The following NBEA variants were observed in gnomAD, a reference collection of about 807,000 sequenced individuals.
The protein encoded by NBEA is lysosomal-trafficking regulator 2.
Under a neutral mutation model 343.4 loss-of-function variants are expected in NBEA, and 44 were observed. The observed-to-expected ratio is 0.13, with a 90% CI of 0.10 to 0.16. NBEA has a LOEUF of 0.16. Ranked by LOEUF, NBEA falls within the 10% of genes least tolerant of loss-of-function variation. NBEA has a pLI of 1.00. For synonymous variants in NBEA, 1,175 were observed against 1,238.7 expected (o/e 0.95, Z 1.08); for missense variants, 2,555 against 3,631.3 (o/e 0.70, Z 7.62).
intron 41 of NBEA, among the ~76,000 whole-genome samples, chr13:35,546,599 C>T (rs964561910): frequency 6.6e-6 from 1 of 150,806 alleles, no homozygotes; most frequent in South Asian, 2.1e-4. Flanking sequence ...GTCACCCAGG[C>T]TGGAGTGCAG....
chr13:35,309,444 A>G, intron 35 of NBEA, 84 bp from the exon 36 acceptor site: 2 of 694,376 alleles, frequency 2.9e-6, no homozygotes, highest in Non-Finnish European at 2.5e-6. Context: ...GAAGTTATTA[A>G]CAATATCAAC....
intron 8 of NBEA, among the ~76,000 whole-genome samples, chr13:35,060,039 G>A (rs1227641832): frequency 3.3e-5 from 5 of 151,576 alleles, no homozygotes; most frequent in African/African-American, 1.2e-4. Context: ...TCTTGCATAG[G>A]AATATTTTTG....
rs754363500 is a variant in NBEA at position 35,513,302 on chromosome 13, A to ATT, written c.6586-37148_6586-37147dup. Among the ~76,000 whole-genome samples, 82 of 72,286 alleles carry ATT rather than the reference A, an allele frequency of 1.1e-3. 6 individuals carry two copies. Among genetic ancestry groups the ATT allele is most frequent in the African/African-American group, 2.3e-3 (37 of 16,428 alleles). The allele number at this position is 72,286 out of a possible 152,430, so 47.4% of individuals were successfully genotyped here. A position where few individuals can be genotyped will look rare whatever the true frequency, so the allele number is the denominator to read the frequency against. ...CAGGCGCCTGCCACCACACCTGGCA[A>ATT]TTTTTTTTTTTTTTTTTTTTTTTTT... On this transcript the variant is annotated intron_variant, in intron 41 of 58. Transcript: ENST00000379939.
rs1278594827 is a variant in NBEA at position 35,182,501 on chromosome 13, C to A, written c.4804C>A (p.Gln1602Lys). 5 of 1,609,440 alleles carry A rather than the reference C, an allele frequency of 3.1e-6. No individual in the cohort carries two copies. Among genetic ancestry groups the A allele is most frequent in the Non-Finnish European group, 4.2e-6 (5 of 1,177,134 alleles). Residue 1602 changes from glutamine (Q) to lysine (K), a missense_variant, in exon 29 of 59, where the codon CAA (glutamine) becomes AAA (lysine). By Grantham distance (53) the Gln-to-Lys change is moderately conservative. This residue lies in a region of NBEA where 270 missense variants were observed against 293.3 expected (regional missense o/e 0.92). Transcript: ENST00000379939. ...TGSQPGRNIRQEINSPTSTVV... is the reference protein window; with the variant it reads ...TGSQPGRNIRKEINSPTSTVV... ...AAGCCAACCAGGTAGAAACATCAGG[C>A]AAGAAATAAATTCACCAACAAGTAC...
intron 24 of NBEA, among the ~76,000 whole-genome samples, chr13:35,166,922 G>A (rs1339895569): frequency 6.6e-6 from 1 of 151,954 alleles, no homozygotes; most frequent in Non-Finnish European, 1.5e-5. Context: ...CATTGGCAAC[G>A]TGAAGATTAC....
At chr13:35,484,798 T>C (rs2076253781) in intron 41 of NBEA, among the ~76,000 whole-genome samples, 1 of 152,102 alleles carries the variant, frequency 6.6e-6, no homozygotes, top group African/African-American at 2.4e-5. Flanking sequence ...CAAAAATTAG[T>C]TTTATTTGTG....
Position 35,276,972 on chromosome 13 carries a change from T to G in NBEA, c.5777-13417T>G, listed in dbSNP as rs1461691768. On this transcript the variant is annotated intron_variant, in intron 34 of 58. Transcript: ENST00000379939. ...AAGAAAACTTTAGAGAACGGTTTACTTTTTCCTTCTGTTTTAACAGAGTAA... is the reference window on the plus strand; with the variant it reads ...AAGAAAACTTTAGAGAACGGTTTACGTTTTCCTTCTGTTTTAACAGAGTAA... Among the ~76,000 whole-genome samples, 6 of 152,222 alleles carry G rather than the reference T, an allele frequency of 3.9e-5. No individual in the cohort carries two copies. The East Asian group carries it at 1.2e-3, about 29-fold the overall frequency.
chr13:34,980,402 A>G (rs2060317490), intron 1 of NBEA, among the ~76,000 whole-genome samples: 1 of 151,680 alleles, frequency 6.6e-6, no homozygotes, highest in Admixed American at 6.6e-5. Context: ...TCTGGTTTCT[A>G]GTTTAGAAGT....
intron 39 of NBEA, among the ~76,000 whole-genome samples, chr13:35,445,781 T>TC (rs1491450364): frequency 1.2e-5 from 1 of 80,708 alleles, no homozygotes; most frequent in South Asian, 4.8e-4. Context: ...GATATAAATG[T>TC]TTATATATAT....
At chr13:35,487,319 A>G (rs1304738104) in intron 41 of NBEA, among the ~76,000 whole-genome samples, 2 of 152,020 alleles carry the variant, frequency 1.3e-5, no homozygotes, top group African/African-American at 2.4e-5. Context: ...ATTAGTACTT[A>G]TAGTTACTAA....
chr13:35,402,930 A>G lies in NBEA; in HGVS notation c.6180-29339A>G, dbSNP rs576261580. ...AATAATTCCCTCCTACAAAAGAACA[A>G]TAAGCTTCTTAAAAAGTGATGCTTT... On this transcript the variant is annotated intron_variant, in intron 38 of 58. Transcript: ENST00000379939. Among the ~76,000 whole-genome samples, 5 of 152,184 alleles carry G rather than the reference A, an allele frequency of 3.3e-5. No individual in the cohort carries two copies. The South Asian group carries it at 6.2e-4, about 19-fold the overall frequency.
chr13:35,317,478 A>G (rs566207078), intron 36 of NBEA, among the ~76,000 whole-genome samples: 1 of 152,252 alleles, frequency 6.6e-6, no homozygotes, highest in African/African-American at 2.4e-5. Flanking sequence ...CTGTTTTGGT[A>G]CCAGTACCAT....
At chr13:35,077,615 A>G (rs1395831093) in intron 10 of NBEA, among the ~76,000 whole-genome samples, 3 of 152,142 alleles carry the variant, frequency 2.0e-5, no homozygotes, top group Admixed American at 1.3e-4. Context: ...CTAGGTTCCC[A>G]TTATTAATTA....
intron 34 of NBEA, among the ~76,000 whole-genome samples, chr13:35,238,451 T>A (rs186868550): frequency 1.3e-5 from 2 of 152,346 alleles, no homozygotes; most frequent in African/African-American, 4.8e-5. Flanking sequence ...CCAGACCAAC[T>A]TCTCTTGCTT....
At chr13:34,960,860 A>G (rs557091899) in intron 1 of NBEA, among the ~76,000 whole-genome samples, 2 of 152,204 alleles carry the variant, frequency 1.3e-5, no homozygotes, top group South Asian at 2.1e-4. Flanking sequence ...GAATGACTGT[A>G]TTTTATCCTA....
chr13:35,580,881 A>G (rs2080993850), intron 45 of NBEA, among the ~76,000 whole-genome samples: 1 of 152,182 alleles, frequency 6.6e-6, no homozygotes, highest in Non-Finnish European at 1.5e-5. Flanking sequence ...CATGACTTTG[A>G]TGAAACTTGT....
intron 41 of NBEA, chr13:35,475,366 C>T (rs1481934302): frequency 1.9e-6 from 3 of 1,613,808 alleles, no homozygotes; most frequent in Non-Finnish European, 2.5e-6. Context: ...GTGACGATCC[C>T]TTAAGGTTTT....
At chr13:35,332,151 A>G (rs1243284601) in intron 36 of NBEA, among the ~76,000 whole-genome samples, 3 of 152,234 alleles carry the variant, frequency 2.0e-5, no homozygotes, top group Admixed American at 6.6e-5. Context: ...ACTGAGATAA[A>G]TAGATTTTGT....
chr13:35,148,879 C>T (rs1223908861), intron 18 of NBEA, among the ~76,000 whole-genome samples: 1 of 152,118 alleles, frequency 6.6e-6, no homozygotes, highest in African/African-American at 2.4e-5. Flanking sequence ...GGCTGTGTAC[C>T]AGTAAAACTG....
Sources: gnomAD v4.1 joint callset for allele counts (sites outside exome capture counted in the v4.1 genomes callset) on GRCh38, gnomAD v4.1.1 for gene constraint, gnomAD v4.1.1 regional missense constraint, MANE v1.5 for transcripts, NCBI Gene and HGNC (gene_info 2026-07-23, HGNC 2026-07-21) for gene names.